RNF213: variants seen among roughly 807,000 people sequenced by gnomAD.
RNF213 encodes E3 ubiquitin-protein ligase RNF213.
A neutral mutation model predicts 514.4 loss-of-function variants in RNF213; 341 were observed. That is an observed-to-expected ratio of 0.66 (90% CI 0.61 to 0.73). The LOEUF (loss-of-function observed/expected upper bound fraction) is 0.73. RNF213 is among the 30% of genes least tolerant of loss of function. The probability of loss-of-function intolerance (pLI) is 0.00; values close to 1 mark genes in which losing one functional copy is unlikely to be tolerated. For missense variants in RNF213, 5,767 were observed against 6,615.6 expected, an observed-to-expected ratio of 0.87 and a Z score of 4.45; for synonymous variants, 2,655 against 2,658.2, an observed-to-expected ratio of 1.00 and a Z score of 0.04.
At position 80,352,562 on chromosome 17, in the gene RNF213, C is replaced by G. The variant is rs925901275; in HGVS notation, c.10304-378C>G. On this transcript the variant is annotated intron_variant, in intron 32 of 67. Coordinates refer to ENST00000582970, the MANE Select transcript of RNF213 (RefSeq NM_001256071.3). ...TTCCAGAAACAGGAAAGTAAGTTTACTTGAATAATTTCGTGGAGAATGGAA... is the reference window on the plus strand; with the variant it reads ...TTCCAGAAACAGGAAAGTAAGTTTAGTTGAATAATTTCGTGGAGAATGGAA... 14 of 541,788 alleles carry G rather than the reference C, an allele frequency of 2.6e-5. 1 individual carries two copies. The highest frequency in any genetic ancestry group is 4.6e-5 in the Non-Finnish European group (14 of 306,926). The allele number at this position is 541,788 out of a possible 1,614,324, so 33.6% of individuals were successfully genotyped here.
chr17:80,381,289 G>A, intron 56 of RNF213: 1 of 595,708 alleles, frequency 1.7e-6, no homozygotes. Context: ...ATTGTAGCTA[G>A]GGAAGAAAGA....
At chr17:80,344,279 C>T (rs1478494597) in intron 28 of RNF213, among the ~76,000 whole-genome samples, 1 of 152,212 alleles carries the variant, frequency 6.6e-6, no homozygotes, top group African/African-American at 2.4e-5. Context: ...GTCTGAATCC[C>T]AGCTGTGCTC....
chr17:80,345,999 G>C lies in RNF213; in HGVS notation c.7664G>C (p.Arg2555Thr), dbSNP rs771058773. Residue 2555 changes from arginine to threonine, a missense_variant, in exon 29 of 68, where the codon AGG (arginine) becomes ACG (threonine). Coordinates refer to ENST00000582970, the MANE Select transcript of RNF213 (RefSeq NM_001256071.3). The surrounding 1 kb of genome is among the most constrained non-coding windows in gnomAD (Gnocchi z 6.0). Reference sequence around the variant, plus strand: ...GTTAGTATGGAGGAGACGGCCGACAGGCTGGGCTCCATTCCTCTGAGGCAG... The same window carrying C: ...GTTAGTATGGAGGAGACGGCCGACACGCTGGGCTCCATTCCTCTGAGGCAG... ...YRVSMEETAD[R>T]LGSIPLRQLV... 6.2e-7 allele frequency: 1 copy of C among 1,614,216 alleles called. No individual in the cohort carries two copies. Among genetic ancestry groups the C allele is most frequent in the South Asian group, 1.1e-5 (1 of 91,082 alleles).
chr17:80,311,884 T>C (rs1479433470), intron 14 of RNF213, among the ~76,000 whole-genome samples: 2 of 152,164 alleles, frequency 1.3e-5, no homozygotes, highest in Admixed American at 6.5e-5. Flanking sequence ...CCCAGCACTT[T>C]GGAAGGCCAA....
rs749724282 is a variant in RNF213, at chr17:80,309,192, AG to A, written c.2655+23del. The stretch of plus-strand genomic sequence containing the variant: ...TGGTGGTAAGTGGAGTCAACACACA[AG>A]GTATCACACCCGGGATAGGTGCGGA... On this transcript the variant is annotated intron_variant, in intron 14 of 67. Transcript: ENST00000582970. 1.2e-5 allele frequency: 20 copies of A among 1,614,018 alleles called. No homozygotes were observed. In the East Asian group the frequency reaches 4.5e-4, roughly 36 times the overall value.
chr17:80,295,740 C>T lies in RNF213; in HGVS notation c.1939C>T (p.Leu647Phe), dbSNP rs778580375. The change falls in exon 10 of 68, where the codon CTC becomes TTC. Residue 647 changes from leucine (L) to phenylalanine (F), a missense_variant. Leu to Phe is a conservative substitution (Grantham distance 22). Transcript: ENST00000582970. Reference sequence around the variant, plus strand: ...AGGCAGCCTGGACTGGTTGTGTCACCTCCTAACCTCAGATGCCAGCTCACC... The same window carrying T: ...AGGCAGCCTGGACTGGTTGTGTCACTTCCTAACCTCAGATGCCAGCTCACC... Reference protein sequence around the residue: ...LEGSLDWLCHLLTSDASSPDE... With the variant: ...LEGSLDWLCHFLTSDASSPDE... 1.2e-6 allele frequency: 2 copies of T among 1,614,046 alleles called. No individual in the cohort carries two copies. Among genetic ancestry groups the T allele is most frequent in the Non-Finnish European group, 8.5e-7 (1 of 1,180,042 alleles).
Position 80,288,778 on chromosome 17 carries a change from G to A in RNF213, c.933+23G>A, listed in dbSNP as rs944315514. On this transcript the variant is annotated intron_variant, in intron 5 of 67. Coordinates refer to ENST00000582970, the MANE Select transcript of RNF213 (RefSeq NM_001256071.3). The surrounding 1 kb of genome is among the most constrained non-coding windows in gnomAD (Gnocchi z 4.9). ...CAGGTGCGTCTCCTTCCTGCCTGCC[G>A]GCTCCAGGAGGCCCTCTCCTGCCCA... The A allele has an allele frequency of 3.7e-6, 6 of 1,613,832 alleles. No homozygotes were observed. The highest frequency in any genetic ancestry group is 1.7e-4 in the Middle Eastern group (1 of 5,806).
chr17:80,386,417 A>C lies in RNF213; in HGVS notation c.14707A>C (p.Lys4903Gln). Residue 4903 changes from lysine to glutamine, a missense_variant, in exon 62 of 68, where the codon AAG (lysine) becomes CAG (glutamine). This residue lies in a region of RNF213 where 1,245 missense variants were observed against 1,339.0 expected (regional missense o/e 0.93). Coordinates refer to ENST00000582970, the MANE Select transcript of RNF213 (RefSeq NM_001256071.3). ...TGTCTACGCCGTGGAAAAACTCTCC[A>C]AGGAAAACAACAGGTTTGTGCACGA... The part of the protein sequence containing the change: ...EIVYAVEKLS[K>Q]ENNSYSVDAA... 6.2e-7 allele frequency: 1 copy of C among 1,614,134 alleles called. No individual in the cohort carries two copies. Among genetic ancestry groups the C allele is most frequent in the Non-Finnish European group, 8.5e-7 (1 of 1,180,022 alleles).
chr17:80,303,217 A>G (rs2045239240), intron 11 of RNF213, among the ~76,000 whole-genome samples: 1 of 152,182 alleles, frequency 6.6e-6, no homozygotes, highest in South Asian at 2.1e-4. Context: ...AGCTCTGGAA[A>G]TTCCTCCTTC....
At chr17:80,383,225 C>CT (rs1375802594) in intron 58 of RNF213, among the ~76,000 whole-genome samples, 155 bp downstream of exon 58, 1 of 152,224 alleles carries the variant, frequency 6.6e-6, no homozygotes, top group African/African-American at 2.4e-5. Flanking sequence ...CCTCGAGTCA[C>CT]TCCATCCTCC....
intron 57 of RNF213, chr17:80,382,563 A>G (rs1178651833): frequency 9.5e-6 from 2 of 211,286 alleles, no homozygotes; most frequent in Non-Finnish European, 1.9e-5. Flanking sequence ...GAGCACACCC[A>G]GAGTCACACT....
At position 80,311,092 on chromosome 17, in the gene RNF213, GGAT is replaced by G. The variant is rs1290600119; in HGVS notation, c.2656-1919_2656-1917del. On this transcript the variant is annotated intron_variant, in intron 14 of 67. Transcript: ENST00000582970. ...GTTTAAGGAATTTGTCAGTTACTTA[GGAT>G]TTATTTTCTACAGAAATAACTATCT... is the stretch of plus-strand genomic sequence containing the variant. 2.0e-4 allele frequency among the ~76,000 whole-genome samples: 30 copies of G among 152,240 alleles called. No individual in the cohort carries two copies. In the East Asian group the frequency reaches 2.5e-3, roughly 13 times the overall value.
At chr17:80,274,461 A>T (rs1329353347) in intron 3 of RNF213, among the ~76,000 whole-genome samples, 2 of 147,636 alleles carry the variant, frequency 1.4e-5, no homozygotes. Flanking sequence ...CTTGCTGGGC[A>T]CGGAGAAGGG....
At chr17:80,298,132 G>C (rs1206052191) in intron 10 of RNF213, among the ~76,000 whole-genome samples, 189 bp from the exon 11 acceptor site, 1 of 152,136 alleles carries the variant, frequency 6.6e-6, no homozygotes, top group African/African-American at 2.4e-5. Flanking sequence ...GGCCTGCAAA[G>C]GAGCTGACGC....
rs746622661 is a variant in RNF213, at chr17:80,363,771, G to A, written c.11731G>A (p.Ala3911Thr). Residue 3911 changes from alanine (A) to threonine (T), a missense_variant, in exon 41 of 68, where the codon GCT (alanine) becomes ACT (threonine). By Grantham distance (58) the Ala-to-Thr change is moderately conservative (BLOSUM62 0). Coordinates refer to ENST00000582970, the MANE Select transcript of RNF213 (RefSeq NM_001256071.3). ...GCAAGGCAGCGGGAGCCTGGCCCAG[G>A]CTGTCATCAGGGAAGTCAGGTGAGA... ...HMQGSGSLAQAVIREVRAQWS... is the reference protein window; with the variant it reads ...HMQGSGSLAQTVIREVRAQWS... The A allele has an allele frequency of 6.8e-6, 11 of 1,613,332 alleles. No homozygotes were observed. The South Asian group carries it at 9.9e-5, about 14-fold the overall frequency.
rs1308804973 is a variant in RNF213 at position 80,354,429 on chromosome 17, G to A, written c.10727-12G>A. ...ACGGCCATGCTGAACGTCTGTTTCT[G>A]CCTTTGTACAGCCTCTTTCTTGCGG... On this transcript the variant is annotated splice_polypyrimidine_tract_variant and intron_variant, in intron 35 of 67. Transcript: ENST00000582970. 6.2e-7 allele frequency: 1 copy of A among 1,614,198 alleles called. No homozygotes were observed. The highest frequency in any genetic ancestry group is 1.7e-5 in the Admixed American group (1 of 60,026).
chr17:80,340,350 G>T lies in RNF213; in HGVS notation c.5983G>T (p.Gly1995Cys). The change falls in exon 26 of 68, where the codon GGT (glycine) becomes TGT (cysteine). Residue 1995 changes from glycine to cysteine, a missense_variant. This residue lies in a region of RNF213 where 1,377 missense variants were observed against 1,635.2 expected (regional missense o/e 0.84). Coordinates refer to ENST00000582970, the MANE Select transcript of RNF213 (RefSeq NM_001256071.3). Reference sequence around the variant, plus strand: ...TGGGATCGTGGCCTCGGAGCGAGCAGGTGTTGGTAAGGAGAGCGGCAGGGT... The same window carrying T: ...TGGGATCGTGGCCTCGGAGCGAGCATGTGTTGGTAAGGAGAGCGGCAGGGT... The part of the protein sequence containing the change: ...CVGIVASERA[G>C]VGKSLYVKRL... The T allele has an allele frequency of 6.2e-7, 1 of 1,611,584 alleles. No homozygotes were observed. The highest frequency in any genetic ancestry group is 8.5e-7 in the Non-Finnish European group (1 of 1,179,772).
intron 63 of RNF213, 89 bp from the exon 64 acceptor site, chr17:80,388,523 A>C: frequency 3.4e-6 from 3 of 886,928 alleles, no homozygotes; most frequent in Non-Finnish European, 5.7e-6. Flanking sequence ...ACTACGCTGC[A>C]GTTTTCCGGC....
At chr17:80,379,501 G>A in intron 54 of RNF213, 119 bp from the exon 55 acceptor site, 1 of 958,604 alleles carries the variant, frequency 1.0e-6, no homozygotes, top group Non-Finnish European at 1.7e-6. Flanking sequence ...GCACACACTG[G>A]GACAATCTGA....
Sources: allele counts gnomAD v4.1 joint callset (sites outside exome capture counted in the v4.1 genomes callset), GRCh38; gene constraint gnomAD v4.1.1; regional missense constraint gnomAD v4.1.1; non-coding constraint Gnocchi (gnomAD v3.1); transcripts MANE v1.5; gene names NCBI Gene and HGNC (gene_info 2026-07-23, HGNC 2026-07-21).